MAPK4: variants seen among roughly 807,000 people sequenced by gnomAD.
The protein encoded by MAPK4 is mitogen-activated protein kinase 4.
Under a neutral mutation model 47.7 loss-of-function variants are expected in MAPK4, and 22 were observed. The observed-to-expected ratio is 0.46, with a 90% CI of 0.33 to 0.66. The LOEUF (loss-of-function observed/expected upper bound fraction) is 0.66. Ranked by LOEUF, MAPK4 falls within the 30% of genes least tolerant of loss-of-function variation. The pLI is 0.02. For synonymous variants in MAPK4, 390 were observed against 365.7 expected, an observed-to-expected ratio of 1.07 and a Z score of -0.76; for missense variants, 736 against 831.7, an observed-to-expected ratio of 0.88 and a Z score of 1.42.
intron 2 of MAPK4, among the ~76,000 whole-genome samples, chr18:50,709,799 T>C (rs1002446093): frequency 1.3e-5 from 2 of 152,198 alleles, no homozygotes; most frequent in African/African-American, 4.8e-5. Flanking sequence ...ATCAAATTCA[T>C]GTAAAATACT....
intron 2 of MAPK4, among the ~76,000 whole-genome samples, chr18:50,714,057 A>G (rs1268984341): frequency 6.6e-6 from 1 of 152,204 alleles, no homozygotes; most frequent in Admixed American, 6.5e-5. Context: ...TTAACTTTTC[A>G]TCTGCTTTAA....
intron 2 of MAPK4, among the ~76,000 whole-genome samples, chr18:50,701,072 C>T (rs923984830): frequency 1.4e-4 from 21 of 152,074 alleles, no homozygotes; most frequent in African/African-American, 3.6e-4. Flanking sequence ...GATTTTCCTC[C>T]GCCTATTAGA....
chr18:50,691,592 T>C (rs1909220294), intron 2 of MAPK4, among the ~76,000 whole-genome samples: 1 of 152,244 alleles, frequency 6.6e-6, no homozygotes, highest in Non-Finnish European at 1.5e-5. Flanking sequence ...TACACACATA[T>C]ATGTGGTCAT....
At chr18:50,638,083 C>T (rs1337257622) in intron 1 of MAPK4, among the ~76,000 whole-genome samples, 1 of 152,174 alleles carries the variant, frequency 6.6e-6, no homozygotes, top group Non-Finnish European at 1.5e-5. Context: ...GGGTCCTTCC[C>T]CTCTCTCCAC....
chr18:50,629,639 G>T (rs1013160910), intron 1 of MAPK4: 32 of 152,308 alleles, frequency 2.1e-4, no homozygotes, highest in African/African-American at 7.5e-4. Context: ...GAGCTTCGTG[G>T]GGCACTGTGA....
intron 2 of MAPK4, among the ~76,000 whole-genome samples, chr18:50,711,489 T>A (rs1212512921): frequency 6.6e-6 from 1 of 152,252 alleles, no homozygotes; most frequent in Non-Finnish European, 1.5e-5. Context: ...ACTTCATGTC[T>A]TCTCAGAGCA....
intron 1 of MAPK4, among the ~76,000 whole-genome samples, chr18:50,562,011 TG>T (rs961299794): frequency 2.6e-5 from 4 of 152,144 alleles, no homozygotes; most frequent in African/African-American, 9.7e-5. Flanking sequence ...ACAGCTATTG[TG>T]GGAATACTCA....
At chr18:50,580,710 A>G (rs1222247727) in intron 1 of MAPK4, among the ~76,000 whole-genome samples, 1 of 152,042 alleles carries the variant, frequency 6.6e-6, no homozygotes, top group Non-Finnish European at 1.5e-5. Context: ...CATGGTGTTT[A>G]CTGTTGGCCC....
At chr18:50,671,995 C>T (rs1907983066) in intron 2 of MAPK4, among the ~76,000 whole-genome samples, 1 of 152,034 alleles carries the variant, frequency 6.6e-6, no homozygotes, top group African/African-American at 2.4e-5. Flanking sequence ...ACACAGAAAG[C>T]TCTCCTAAAG....
intron 1 of MAPK4, among the ~76,000 whole-genome samples, chr18:50,656,876 G>A (rs2043115559): frequency 1.3e-5 from 2 of 152,148 alleles, no homozygotes; most frequent in Admixed American, 1.3e-4. Flanking sequence ...GCAAGTTACT[G>A]TCAGATCATC....
intron 2 of MAPK4, among the ~76,000 whole-genome samples, chr18:50,683,788 A>G (rs2144323907): frequency 6.6e-6 from 1 of 152,254 alleles, no homozygotes; most frequent in Admixed American, 6.5e-5. Context: ...CCAGAGCTGC[A>G]GGAGAACTGG....
chr18:50,606,528 T>C (rs975602632), intron 1 of MAPK4, among the ~76,000 whole-genome samples: 2 of 152,188 alleles, frequency 1.3e-5, no homozygotes, highest in African/African-American at 4.8e-5. Flanking sequence ...TCTTCAGTGC[T>C]ATCTACCAAA....
chr18:50,565,181 T>C (rs1598775031), intron 1 of MAPK4, among the ~76,000 whole-genome samples: 1 of 152,310 alleles, frequency 6.6e-6, no homozygotes, highest in East Asian at 1.9e-4. Flanking sequence ...CAGATCAAAA[T>C]GGAATTGTTA....
At chr18:50,635,866 G>T (rs539807943) in intron 1 of MAPK4, among the ~76,000 whole-genome samples, 2 of 152,028 alleles carry the variant, frequency 1.3e-5, no homozygotes, top group South Asian at 2.1e-4. Flanking sequence ...GTTCACAAAG[G>T]CCCCAGGATG....
At chr18:50,670,905 CTG>C (rs1907911013) in intron 2 of MAPK4, among the ~76,000 whole-genome samples, 1 of 152,196 alleles carries the variant, frequency 6.6e-6, no homozygotes, top group Non-Finnish European at 1.5e-5. Flanking sequence ...GCCCAGCAAT[CTG>C]TGTTTTCACA....
intron 2 of MAPK4, 50 bp from the exon 3 acceptor site, chr18:50,715,029 A>G: frequency 6.3e-7 from 1 of 1,590,060 alleles, no homozygotes; most frequent in Non-Finnish European, 8.6e-7. Flanking sequence ...CGTGGGAGGA[A>G]GGGTATCCAA....
chr18:50,608,124 C>G (rs981576500), intron 1 of MAPK4, among the ~76,000 whole-genome samples: 4 of 152,156 alleles, frequency 2.6e-5, no homozygotes. Context: ...CCGTTGGAAA[C>G]CAGGATTTAC....
In MAPK4 at chr18:50,671,959, T is replaced by C. The variant is rs80335697; in HGVS notation, c.546+7455T>C. Among the ~76,000 whole-genome samples, 18 of 152,148 alleles carry C rather than the reference T, an allele frequency of 1.2e-4. 1 individual carries two copies. Among genetic ancestry groups the C allele is most frequent in the South Asian group, 8.3e-4 (4 of 4,800 alleles). ...CCTCTCCTGGGCACTCTGTCTTTCT[T>C]TGATGGCTTCTTGCCTGAGAAAAAC... is the stretch of plus-strand genomic sequence containing the variant. On this transcript the variant is annotated intron_variant, in intron 2 of 5. Coordinates refer to ENST00000400384, the MANE Select transcript of MAPK4 (RefSeq NM_002747.4).
chr18:50,563,645 T>A (rs528739656), intron 1 of MAPK4, among the ~76,000 whole-genome samples: 1 of 151,556 alleles, frequency 6.6e-6, no homozygotes, highest in South Asian at 2.1e-4. Flanking sequence ...GAATGTGACT[T>A]TTTTTTCTCT....
Sources: allele counts gnomAD v4.1 joint callset (sites outside exome capture counted in the v4.1 genomes callset), GRCh38; gene constraint gnomAD v4.1.1; transcripts MANE v1.5; gene names NCBI Gene and HGNC (gene_info 2026-07-23, HGNC 2026-07-21).